TMCO4: variants seen among roughly 807,000 people sequenced by gnomAD.
The protein encoded by TMCO4 is transmembrane and coiled-coil domain-containing protein 4.
Under a neutral mutation model 64.7 loss-of-function variants are expected in TMCO4, and 58 were observed. That is an observed-to-expected ratio of 0.90 (90% CI 0.73 to 1.12). The LOEUF is 1.12. Among genes scored for constraint, TMCO4 ranks in the 50% most tolerant of loss-of-function variants. The pLI is 0.00. For synonymous variants in TMCO4, 325 were observed against 346.1 expected, an observed-to-expected ratio of 0.94 and a Z score of 0.68; for missense variants, 780 against 825.9, an observed-to-expected ratio of 0.94 and a Z score of 0.68.
At chr1:19,753,450 A>G (rs955452919) in intron 7 of TMCO4, among the ~76,000 whole-genome samples, 3 of 152,182 alleles carry the variant, frequency 2.0e-5, no homozygotes, top group African/African-American at 7.2e-5. Flanking sequence ...TGAAGTCACT[A>G]AACAAGTGAG....
chr1:19,702,285 C>CAGAAAAAAAAA (rs751695121), intron 13 of TMCO4, among the ~76,000 whole-genome samples: 2 of 102,934 alleles, frequency 1.9e-5, no homozygotes, highest in East Asian at 2.9e-4. Context: ...CTTGTCTTTA[C>CAGAAAAAAAAA]AAAAAAAAAA....
At position 19,683,281 on chromosome 1, in the gene TMCO4, G is replaced by A. The variant is rs147916679; in HGVS notation, c.1664C>T (p.Thr555Ile). The A allele has an allele frequency of 1.1e-4, 185 of 1,614,120 alleles. 2 individuals carry two copies. In the African/African-American group the frequency reaches 2.1e-3, roughly 18 times the overall value. ...CTGGGTTTGCCCAACCTGGTGGGGG[G>A]TCTCGCCTGATGAGGCGGCAGCTGC... Reference protein sequence around the residue: ...QAAAAASSGETPHQVGQTQGP... With the variant: ...QAAAAASSGEIPHQVGQTQGP... Residue 555 changes from threonine (T) to isoleucine (I), a missense_variant, in exon 16 of 16, where the codon ACC becomes ATC. By Grantham distance (89) the Thr-to-Ile change is moderately conservative. Transcript: ENST00000294543.
At chr1:19,690,398 C>T (rs1309820064) in intron 15 of TMCO4, among the ~76,000 whole-genome samples, 1 of 152,240 alleles carries the variant, frequency 6.6e-6, no homozygotes, top group Non-Finnish European at 1.5e-5. Context: ...CACTAACGCC[C>T]CCTCTGGGGC....
At chr1:19,785,513 TGAA>T (rs1196049289) in intron 3 of TMCO4, among the ~76,000 whole-genome samples, 2 of 152,170 alleles carry the variant, frequency 1.3e-5, no homozygotes, top group Non-Finnish European at 2.9e-5. Flanking sequence ...GCTGGATGAA[TGAA>T]GAAGGGGCTA....
At chr1:19,712,235 C>A (rs530376599) in intron 13 of TMCO4, among the ~76,000 whole-genome samples, 2 of 152,222 alleles carry the variant, frequency 1.3e-5, no homozygotes. Context: ...TTACTAAGTT[C>A]ACCGTCTTAT....
At chr1:19,740,114 A>G (rs1234917143) in intron 11 of TMCO4, among the ~76,000 whole-genome samples, 154 bp from the exon 12 acceptor site, 1 of 152,134 alleles carries the variant, frequency 6.6e-6, no homozygotes, top group Non-Finnish European at 1.5e-5. Context: ...AAGAAATCCG[A>G]AACTCATGAA....
chr1:19,738,363 C>T (rs920675835), intron 12 of TMCO4: 3 of 152,252 alleles, frequency 2.0e-5, no homozygotes, highest in African/African-American at 2.4e-5. Flanking sequence ...CAGCCAAAGA[C>T]GAAGTTTCCC....
At chr1:19,718,410 T>C (rs1329891177) in intron 13 of TMCO4, among the ~76,000 whole-genome samples, 3 of 151,540 alleles carry the variant, frequency 2.0e-5, no homozygotes, top group South Asian at 4.2e-4. Context: ...CCCAGCACTT[T>C]GGGAGGTCGA....
At chr1:19,699,364 G>A (rs2095256641) in intron 14 of TMCO4, among the ~76,000 whole-genome samples, 1 of 151,736 alleles carries the variant, frequency 6.6e-6, no homozygotes, top group African/African-American at 2.4e-5. Context: ...TATAGGTGGG[G>A]ACACTGAATT....
chr1:19,703,244 C>A (rs1437346542), intron 13 of TMCO4, among the ~76,000 whole-genome samples: 1 of 152,178 alleles, frequency 6.6e-6, no homozygotes, highest in Non-Finnish European at 1.5e-5. Flanking sequence ...TGACTTGAAC[C>A]AAATCATGTA....
intron 4 of TMCO4, among the ~76,000 whole-genome samples, chr1:19,777,786 C>T (rs2043276541): frequency 6.6e-6 from 1 of 152,176 alleles, no homozygotes; most frequent in Middle Eastern, 3.2e-3. Context: ...GGCATAGTGG[C>T]TTGAACCTGT....
intron 3 of TMCO4, among the ~76,000 whole-genome samples, chr1:19,786,467 G>A (rs1304758375): frequency 1.3e-5 from 2 of 152,174 alleles, no homozygotes; most frequent in African/African-American, 4.8e-5. Context: ...TTGACAAAGG[G>A]AAAAGCATGT....
rs898960658 is a variant in TMCO4, at chr1:19,688,335, G to A, written c.1501-4891C>T. 2.6e-5 allele frequency among the ~76,000 whole-genome samples: 4 copies of A among 152,206 alleles called. No homozygotes were observed. In the East Asian group the frequency reaches 5.8e-4, roughly 22 times the overall value. On this transcript the variant is annotated intron_variant, in intron 15 of 15. Coordinates refer to ENST00000294543, the MANE Select transcript of TMCO4 (RefSeq NM_181719.7). ...GGGTTTCCGTGGGAACCAGATCCCT[G>A]CAGGTACAAATGGGGCCCAGCCCTT... is the stretch of plus-strand genomic sequence containing the variant.
rs374405219 is a variant in TMCO4 at position 19,742,701 on chromosome 1, A to G, written c.878-1760T>C. On this transcript the variant is annotated intron_variant, in intron 10 of 15. Coordinates refer to ENST00000294543, the MANE Select transcript of TMCO4 (RefSeq NM_181719.7). ...CGGGTGTGACCCACAGCAAGGCACC[A>G]TGCCCTTCTGACCCTTGGTTTCCAC... is the stretch of plus-strand genomic sequence containing the variant. Among the ~76,000 whole-genome samples the G allele has an allele frequency of 3.3e-4, 51 of 152,316 alleles. 2 individuals carry two copies. In the East Asian group the frequency reaches 9.9e-3, roughly 29 times the overall value.
In TMCO4 at chr1:19,683,475, G is replaced by A. The variant is rs767311575; in HGVS notation, c.1501-31C>T. 14 of 1,608,390 alleles carry A rather than the reference G, an allele frequency of 8.7e-6. No homozygotes were observed. The South Asian group carries it at 1.5e-4, about 18-fold the overall frequency. ...GGAGACAGTGAGTGAGCACCACCGT[G>A]GGTGTGCAGAGCCCAGCCCTCCCCA... On this transcript the variant is annotated intron_variant, in intron 15 of 15. Coordinates refer to ENST00000294543, the MANE Select transcript of TMCO4 (RefSeq NM_181719.7).
chr1:19,752,492 CA>C (rs2042063389), intron 7 of TMCO4, among the ~76,000 whole-genome samples: 1 of 152,212 alleles, frequency 6.6e-6, no homozygotes, highest in African/African-American at 2.4e-5. Flanking sequence ...TACTCTCTGT[CA>C]TCTTATCTCC....
intron 7 of TMCO4, among the ~76,000 whole-genome samples, chr1:19,752,253 C>T (rs759138580): frequency 5.3e-5 from 8 of 152,086 alleles, no homozygotes; most frequent in Non-Finnish European, 8.8e-5. Context: ...ACACTAAATC[C>T]GAATGACAGC....
At chr1:19,767,137 C>T (rs2042772393) in intron 6 of TMCO4, among the ~76,000 whole-genome samples, 1 of 152,186 alleles carries the variant, frequency 6.6e-6, no homozygotes, top group South Asian at 2.1e-4. Flanking sequence ...TAAAATCTGC[C>T]AACGTTTTGA....
At chr1:19,749,617 C>A (rs996865074) in intron 7 of TMCO4, among the ~76,000 whole-genome samples, 1 of 152,214 alleles carries the variant, frequency 6.6e-6, no homozygotes, top group African/African-American at 2.4e-5. Context: ...ATCCACCTGC[C>A]TCAGCCTCCC....
Sources: gnomAD v4.1 joint callset for allele counts (sites outside exome capture counted in the v4.1 genomes callset) on GRCh38, gnomAD v4.1.1 for gene constraint, MANE v1.5 for transcripts, NCBI Gene and HGNC (gene_info 2026-07-23, HGNC 2026-07-21) for gene names.